CCDC154: variants seen among roughly 807,000 people sequenced by gnomAD.
CCDC154 encodes coiled-coil domain containing 154.
A neutral mutation model predicts 87.5 loss-of-function variants in CCDC154; 91 were observed. The ratio of observed to expected loss-of-function variants is 1.04; its 90% CI spans 0.88 to 1.24. The LOEUF (loss-of-function observed/expected upper bound fraction) is 1.24, where lower values mean the gene tolerates loss of function less well. Among genes scored for constraint, CCDC154 ranks in the 50% most tolerant of loss-of-function variants. CCDC154 has a pLI of 0.00. For missense variants in CCDC154, 903 were observed against 879.2 expected, an observed-to-expected ratio of 1.03 and a Z score of -0.34; for synonymous variants, 418 against 400.4, an observed-to-expected ratio of 1.04 and a Z score of -0.52.
Position 1,443,644 on chromosome 16 carries a change from G to A in CCDC154, c.276C>T (p.Arg92=), listed in dbSNP as rs978114366. 18 of 1,348,330 alleles carry A rather than the reference G, an allele frequency of 1.3e-5. No individual in the cohort carries two copies. The highest frequency in any genetic ancestry group is 1.7e-5 in the Non-Finnish European group (18 of 1,034,562). 83.5% of individuals were successfully genotyped at this position (1,348,330 alleles called of 1,614,324 possible). A position where few individuals can be genotyped will look rare whatever the true frequency, so the allele number is the denominator to read the frequency against. ...EVACLREHKQ[R]CERATRSLLR... is the part of the protein sequence containing the mutation. ...GCAGGCTCCGCGTGGCGCGCTCACA[G>A]CGCTGCTTGTGCTCCCGCAGGCAGG... Residue 92 remains arginine, a synonymous_variant, in exon 3 of 17, where the codon CGC becomes CGT. Transcript: ENST00000389176.
At chr16:1,437,470 T>G in intron 11 of CCDC154, 1 of 268,014 alleles carries the variant, frequency 3.7e-6, no homozygotes, top group Non-Finnish European at 7.0e-6. Context: ...GTGTGGGGAG[T>G]GAATCCATCT....
intron 14 of CCDC154, 43 bp downstream of exon 14, chr16:1,435,926 C>T: frequency 2.0e-6 from 3 of 1,488,708 alleles, no homozygotes; most frequent in South Asian, 1.2e-5. Flanking sequence ...AACCTGATGG[C>T]TCCCCCTCTC....
At chr16:1,444,220 C>T (rs764465657) in intron 1 of CCDC154, 96 bp downstream of exon 1, 22 of 1,227,570 alleles carry the variant, frequency 1.8e-5, no homozygotes, top group East Asian at 1.1e-4. Flanking sequence ...CAGGAACAAG[C>T]GAGCTGGAGG....
At chr16:1,437,221 C>T in intron 11 of CCDC154, 1 of 213,560 alleles carries the variant, frequency 4.7e-6, no homozygotes, top group Non-Finnish European at 9.3e-6. Context: ...CGCACGAGGC[C>T]CCGAGGAGCG....
Position 1,438,661 on chromosome 16 carries a change from T to C in CCDC154, c.983A>G (p.Gln328Arg). 1.3e-6 allele frequency: 2 copies of C among 1,550,122 alleles called. No individual in the cohort carries two copies. Among genetic ancestry groups the C allele is most frequent in the Non-Finnish European group, 1.7e-6 (2 of 1,146,796 alleles). ...CAGTAGGACACGGTTCAGCGACGCC[T>C]GGTTCTGCTGCACAAACTTGGTCAG... ...AQLTKFVQQN[Q>R]ASLNRVLLAE... The change falls in exon 9 of 17, where the codon CAG becomes CGG. Residue 328 changes from glutamine to arginine, a missense_variant. By Grantham distance (43) the Gln-to-Arg change is conservative. Coordinates refer to ENST00000389176, the MANE Select transcript of CCDC154 (RefSeq NM_001143980.3).
At position 1,443,430 on chromosome 16, in the gene CCDC154, G is replaced by T. The variant is rs972695351; in HGVS notation, c.414+76C>A. The T allele has an allele frequency of 2.8e-6, 4 of 1,431,360 alleles. No individual in the cohort carries two copies. The East Asian group carries it at 1.0e-4, about 37-fold the overall frequency. 88.7% of individuals were successfully genotyped at this position (1,431,360 alleles called of 1,614,324 possible). ...GGCCTGGGCAGCAGGGGTGAGCTGG[G>T]CTCCAGGCCCAGAAGCAGCTGCCCC... On this transcript the variant is annotated intron_variant, in intron 3 of 16. Transcript: ENST00000389176.
rs1217075833 is a variant in CCDC154, at chr16:1,438,817, C to G, written c.904G>C (p.Glu302Gln). Residue 302 changes from glutamate to glutamine, a missense_variant and splice_region_variant, in exon 8 of 17, where the codon GAG (glutamate) becomes CAG (glutamine). Transcript: ENST00000389176. ...GCCCGCCGCCCGCCCGGCCCCACCTCATGCTGCCCCTGCAGGGCCCGCAGG... is the reference window on the plus strand; with the variant it reads ...GCCCGCCGCCCGCCCGGCCCCACCTGATGCTGCCCCTGCAGGGCCCGCAGG... ...ERLRALQGQH[E>Q]ESHLLEQCQG... 5.2e-6 allele frequency: 8 copies of G among 1,543,014 alleles called. No individual in the cohort carries two copies. The highest frequency in any genetic ancestry group is 7.0e-6 in the Non-Finnish European group (8 of 1,144,158).
In CCDC154 at chr16:1,443,846, G is replaced by C. The variant is rs1342322629; in HGVS notation, c.174C>G (p.Ala58=). 1 of 1,304,412 alleles carries C rather than the reference G, an allele frequency of 7.7e-7. No individual in the cohort carries two copies. Among genetic ancestry groups the C allele is most frequent in the South Asian group, 1.2e-5 (1 of 81,036 alleles). 80.8% of individuals were successfully genotyped at this position (1,304,412 alleles called of 1,614,324 possible). A position where few individuals can be genotyped will look rare whatever the true frequency, so the allele number is the denominator to read the frequency against. Residue 58 remains alanine (A), a synonymous_variant, in exon 2 of 17, where the codon GCC becomes GCG. Transcript: ENST00000389176. ...RYESSHPTST[A]SVPEQDTAKH... is the part of the protein sequence containing the mutation. Reference sequence around the variant, plus strand: ...TGGCGGTGTCCTGCTCGGGGACAGAGGCCGTGGATGTCGGATGGCTGGACT... The same window carrying C: ...TGGCGGTGTCCTGCTCGGGGACAGACGCCGTGGATGTCGGATGGCTGGACT...
At chr16:1,434,559 C>T (rs1192884282) in intron 16 of CCDC154, 25 bp from the exon 17 acceptor site, 4 of 1,531,300 alleles carry the variant, frequency 2.6e-6, no homozygotes, top group Non-Finnish European at 3.5e-6. Flanking sequence ...GGCACATGGC[C>T]CCTGCACCCC....
intron 6 of CCDC154, among the ~76,000 whole-genome samples, chr16:1,440,594 C>G (rs1345075477): frequency 6.6e-6 from 1 of 151,996 alleles, no homozygotes; most frequent in Non-Finnish European, 1.5e-5. Flanking sequence ...ATCACTTGAG[C>G]CCAGGAGTTT....
At chr16:1,442,269 G>T in intron 6 of CCDC154, 137 bp downstream of exon 6, 2 of 1,096,302 alleles carry the variant, frequency 1.8e-6, no homozygotes, top group Non-Finnish European at 2.5e-6. Flanking sequence ...GTTTTACATT[G>T]TCTACAACTA....
intron 6 of CCDC154, chr16:1,439,456 CA>C (rs879551269): frequency 0.094 from 35,006 of 370,860 alleles, 2,335 homozygotes; most frequent in East Asian, 0.21. Context: ...GAGTGTCGTG[CA>C]GGTGTCCCCA....
chr16:1,441,001 C>A (rs938673832), intron 6 of CCDC154, among the ~76,000 whole-genome samples: 2 of 151,340 alleles, frequency 1.3e-5, no homozygotes, highest in Admixed American at 1.3e-4. Context: ...CGCCCGCAGT[C>A]ACAGCTACTG....
Position 1,437,890 on chromosome 16 carries a change from A to G in CCDC154, c.1217T>C (p.Leu406Pro). 18 of 1,546,112 alleles carry G rather than the reference A, an allele frequency of 1.2e-5. No homozygotes were observed. The highest frequency in any genetic ancestry group is 1.6e-5 in the Non-Finnish European group (18 of 1,146,542). Reference protein sequence around the residue: ...VAQLAGQLKELSGHLPALSSR... With the variant: ...VAQLAGQLKEPSGHLPALSSR... ...GCTCAGAGCCGGGAGATGGCCACTCAGCTCCTTTAACTGCCCGGCCAGCTG... is the reference window on the plus strand; with the variant it reads ...GCTCAGAGCCGGGAGATGGCCACTCGGCTCCTTTAACTGCCCGGCCAGCTG... Residue 406 changes from leucine (L) to proline (P), a missense_variant, in exon 11 of 17, where the codon CTG becomes CCG. Leu to Pro is a moderately conservative substitution (Grantham distance 98, BLOSUM62 -3). Coordinates refer to ENST00000389176, the MANE Select transcript of CCDC154 (RefSeq NM_001143980.3).
chr16:1,443,245 G>A lies in CCDC154; in HGVS notation c.455+16C>T, dbSNP rs1303765235. On this transcript the variant is annotated intron_variant, in intron 4 of 16. Coordinates refer to ENST00000389176, the MANE Select transcript of CCDC154 (RefSeq NM_001143980.3). ...TCCCCGCCCTGGGCCTGTGCCCCTA[G>A]GTGTGTGGGGGGTACCTTTTGTCCA... is the stretch of plus-strand genomic sequence containing the variant. The A allele has an allele frequency of 6.5e-7, 1 of 1,548,058 alleles. No individual in the cohort carries two copies. The highest frequency in any genetic ancestry group is 8.7e-7 in the Non-Finnish European group (1 of 1,146,282).
Position 1,436,721 on chromosome 16 carries a change from G to C in CCDC154, c.1381C>G (p.Arg461Gly), listed in dbSNP as rs1435477946. Residue 461 changes from arginine (R) to glycine (G), a missense_variant, in exon 12 of 17, where the codon CGG becomes GGG. Physicochemically the swap from Arg to Gly is moderately radical, Grantham distance 125 (BLOSUM62 -2). Transcript: ENST00000389176. ...TGGGGGAGGCCATCCACCTTCTCCCGCACCCCTCGCAGGTGTTCGGTCACC... is the reference window on the plus strand; with the variant it reads ...TGGGGGAGGCCATCCACCTTCTCCCCCACCCCTCGCAGGTGTTCGGTCACC... ...KEVTEHLRGV[R>G]EKVDGLPQQI... The C allele has an allele frequency of 6.5e-7, 1 of 1,550,192 alleles. No individual in the cohort carries two copies. The highest frequency in any genetic ancestry group is 1.2e-5 in the South Asian group (1 of 84,066).
At chr16:1,437,040 G>A (rs1031886436) in intron 11 of CCDC154, 9 of 582,166 alleles carry the variant, frequency 1.5e-5, no homozygotes, top group Non-Finnish European at 2.1e-5. Context: ...GGGCTGTTCC[G>A]ACCACACAGG....
Position 1,442,469 on chromosome 16 carries a change from G to T in CCDC154, c.612C>A (p.Gly204=), listed in dbSNP as rs756347903. Residue 204 remains glycine (G), a synonymous_variant, in exon 6 of 17, where the codon GGC becomes GGA. Transcript: ENST00000389176. ...TGTCCTCTTGGTTCTTCTGCAGGGC[G>T]CCGCAGGCCACCTCCCGGCCCTGCT... ...QEEQGREVAC[G]ALQKNQEDSS... is the part of the protein sequence containing the mutation. 10 of 1,550,112 alleles carry T rather than the reference G, an allele frequency of 6.5e-6. No individual in the cohort carries two copies. The highest frequency in any genetic ancestry group is 7.0e-6 in the Non-Finnish European group (8 of 1,146,806).
rs1304783846 is a variant in CCDC154 at position 1,436,744 on chromosome 16, A to G, written c.1358T>C (p.Val453Ala). ...LEDLARWRKE[V>A]TEHLRGVREK... ...CCGCACCCCTCGCAGGTGTTCGGTC[A>G]CCTCCTTCCGCCACCTGGCCAGGTC... Residue 453 changes from valine to alanine, a missense_variant, in exon 12 of 17, where the codon GTG becomes GCG. Val to Ala is a moderately conservative substitution (Grantham distance 64, BLOSUM62 0). Coordinates refer to ENST00000389176, the MANE Select transcript of CCDC154 (RefSeq NM_001143980.3). The G allele has an allele frequency of 1.3e-6, 2 of 1,550,200 alleles. No homozygotes were observed. Among genetic ancestry groups the G allele is most frequent in the African/African-American group, 1.4e-5 (1 of 73,000 alleles).
Sources: allele counts gnomAD v4.1 joint callset (sites outside exome capture counted in the v4.1 genomes callset), GRCh38; gene constraint gnomAD v4.1.1; transcripts MANE v1.5; gene names NCBI Gene and HGNC (gene_info 2026-07-23, HGNC 2026-07-21).